The following ADD2 variants were observed in gnomAD, a reference collection of about 807,000 sequenced individuals.
The protein encoded by ADD2 is adducin 2, also known as beta-adducin.
In ADD2, 23 loss-of-function variants were observed where a neutral mutation model predicts 83.0. The observed-to-expected ratio is 0.28, with a 90% CI of 0.20 to 0.39. ADD2 has a LOEUF of 0.39. ADD2 is among the 10% of genes least tolerant of loss of function. The pLI is 1.00. For missense variants in ADD2, 758 were observed against 944.9 expected (o/e 0.80, Z 2.59); for synonymous variants, 375 against 375.4 (o/e 1.00, Z 0.01).
intron 8 of ADD2, 136 bp downstream of exon 8, chr2:70,690,650 G>T: frequency 1.0e-6 from 1 of 1,003,544 alleles, no homozygotes; most frequent in Non-Finnish European, 1.4e-6. Flanking sequence ...AAAATCTCAG[G>T]GTAGTGGGAT....
chr2:70,704,356 C>T lies in ADD2; in HGVS notation c.287G>A (p.Ser96Asn), dbSNP rs1553374012. ...TGTCGGGAAGACTGCGTGGGAGGTGCTGGCCATGAAGTCCGCGATCTGTCG... is the reference window on the plus strand; with the variant it reads ...TGTCGGGAAGACTGCGTGGGAGGTGTTGGCCATGAAGTCCGCGATCTGTCG... ...ALRQIADFMA[S>N]TSHAVFPTSS... is the part of the protein sequence containing the mutation. The change falls in exon 4 of 16, where the codon AGC (serine) becomes AAC (asparagine). Residue 96 changes from serine to asparagine, a missense_variant. By Grantham distance (46) the Ser-to-Asn change is conservative. Transcript: ENST00000264436. The T allele has an allele frequency of 6.9e-7, 1 of 1,449,438 alleles. No homozygotes were observed. The highest frequency in any genetic ancestry group is 1.1e-5 in the South Asian group (1 of 88,796). The allele number at this position is 1,449,438 out of a possible 1,614,324, so 89.8% of individuals were successfully genotyped here. A position where few individuals can be genotyped will look rare whatever the true frequency, so the allele number is the denominator to read the frequency against.
intron 15 of ADD2, among the ~76,000 whole-genome samples, chr2:70,668,459 T>C (rs1669769334): frequency 1.3e-5 from 2 of 152,344 alleles, no homozygotes; most frequent in South Asian, 4.1e-4. Flanking sequence ...GCTCACATAT[T>C]CATTTTACAC....
At chr2:70,733,921 C>A (rs1434777448) in intron 1 of ADD2, among the ~76,000 whole-genome samples, 1 of 152,186 alleles carries the variant, frequency 6.6e-6, no homozygotes, top group African/African-American at 2.4e-5. Context: ...CAAAAGCCCA[C>A]CCCTAGCAGC....
At chr2:70,680,078 T>C (rs1670380695) in intron 10 of ADD2, among the ~76,000 whole-genome samples, 1 of 152,216 alleles carries the variant, frequency 6.6e-6, no homozygotes, top group African/African-American at 2.4e-5. Flanking sequence ...TCATATCTAT[T>C]AATATTTGTC....
intron 1 of ADD2, among the ~76,000 whole-genome samples, chr2:70,762,708 T>C (rs1466058285): frequency 7.1e-6 from 1 of 140,390 alleles, no homozygotes; most frequent in Non-Finnish European, 1.5e-5. Flanking sequence ...TTTCATTTTC[T>C]TTTTTTTTTT....
At chr2:70,699,615 A>G (rs571664578) in intron 4 of ADD2, among the ~76,000 whole-genome samples, 2 of 152,290 alleles carry the variant, frequency 1.3e-5, no homozygotes, top group East Asian at 1.9e-4. Flanking sequence ...ACTCGTCTCT[A>G]TAAAAAATTT....
At chr2:70,758,807 CA>C (rs1207847961) in intron 1 of ADD2, among the ~76,000 whole-genome samples, 1 of 151,944 alleles carries the variant, frequency 6.6e-6, no homozygotes, top group African/African-American at 2.4e-5. Flanking sequence ...CTCAGAAAAA[CA>C]ATAATAATAA....
intron 1 of ADD2, among the ~76,000 whole-genome samples, chr2:70,744,146 A>G (rs1674059864): frequency 6.6e-6 from 1 of 152,226 alleles, no homozygotes. Flanking sequence ...CCATTTGGTA[A>G]CCACCATGGA....
intron 15 of ADD2, among the ~76,000 whole-genome samples, chr2:70,667,647 A>G (rs145500152): frequency 6.6e-6 from 1 of 152,134 alleles, no homozygotes; most frequent in African/African-American, 2.4e-5. Context: ...GGGGGATGGA[A>G]TTTCGCTCTT....
chr2:70,689,405 G>T (rs782408121), intron 8 of ADD2, among the ~76,000 whole-genome samples: 4 of 152,260 alleles, frequency 2.6e-5, no homozygotes, highest in Non-Finnish European at 4.4e-5. Flanking sequence ...GCTGAAGCCT[G>T]ATGGCTCTAA....
chr2:70,678,694 T>A lies in ADD2; in HGVS notation c.1383+10A>T. On this transcript the variant is annotated intron_variant, in intron 11 of 15. Coordinates refer to ENST00000264436, the MANE Select transcript of ADD2 (RefSeq NM_001617.4). Reference sequence around the variant, plus strand: ...CTCTCTGCCCGGGTCTGTCCTGGGCTCCCCCTTACCGTGGTCTTGGGTCGG... The same window carrying A: ...CTCTCTGCCCGGGTCTGTCCTGGGCACCCCCTTACCGTGGTCTTGGGTCGG... 6.5e-7 allele frequency: 1 copy of A among 1,544,120 alleles called. No individual in the cohort carries two copies.
intron 7 of ADD2, 102 bp from the exon 8 acceptor site, chr2:70,691,031 G>C: frequency 7.2e-7 from 1 of 1,389,496 alleles, no homozygotes; most frequent in South Asian, 1.6e-5. Context: ...GGGGTGAGGG[G>C]TGAGGAGTGA....
At chr2:70,704,675 C>T (rs1204802960) in intron 3 of ADD2, among the ~76,000 whole-genome samples, 3 of 152,212 alleles carry the variant, frequency 2.0e-5, no homozygotes, top group Admixed American at 6.5e-5. Flanking sequence ...ATCTTGTGTT[C>T]CCTTGCCCTG....
intron 8 of ADD2, among the ~76,000 whole-genome samples, chr2:70,688,774 G>T (rs1243835211): frequency 6.6e-6 from 1 of 152,042 alleles, no homozygotes; most frequent in Non-Finnish European, 1.5e-5. Flanking sequence ...TAACTCATCG[G>T]TTTTATAGAA....
At chr2:70,704,284 C>CCCCCAAAAAA in intron 4 of ADD2, 37 bp downstream of exon 4, 1 of 1,560,598 alleles carries the variant, frequency 6.4e-7, no homozygotes, top group Non-Finnish European at 8.7e-7. Context: ...CCCTCCCCTC[C>CCCCCAAAAAA]ACCTCTGCTC....
chr2:70,714,665 C>G (rs1672373367), intron 1 of ADD2, among the ~76,000 whole-genome samples: 1 of 152,198 alleles, frequency 6.6e-6, no homozygotes, highest in Non-Finnish European at 1.5e-5. Context: ...AGGGTCCTAG[C>G]CACCACTTGA....
At chr2:70,715,024 T>A (rs1255687424) in intron 1 of ADD2, among the ~76,000 whole-genome samples, 7 of 152,180 alleles carry the variant, frequency 4.6e-5, no homozygotes, top group Admixed American at 4.6e-4. Flanking sequence ...CAGAGCACCA[T>A]TCCTTGGGTT....
intron 1 of ADD2, among the ~76,000 whole-genome samples, chr2:70,722,735 C>A (rs1359367505): frequency 2.0e-5 from 3 of 152,154 alleles, no homozygotes; most frequent in African/African-American, 7.2e-5. Context: ...ACTTCCTGTA[C>A]TGTGAAATAA....
chr2:70,706,333 C>T lies in ADD2; in HGVS notation c.76G>A (p.Glu26Lys), dbSNP rs1256425970. 3.1e-6 allele frequency: 5 copies of T among 1,613,904 alleles called. No individual in the cohort carries two copies. The highest frequency in any genetic ancestry group is 4.2e-6 in the Non-Finnish European group (5 of 1,180,020). The change falls in exon 3 of 16, where the codon GAG becomes AAG. Residue 26 changes from glutamate (E) to lysine (K), a missense_variant. By Grantham distance (56) the Glu-to-Lys change is moderately conservative. Coordinates refer to ENST00000264436, the MANE Select transcript of ADD2 (RefSeq NM_001617.4). The surrounding 1 kb of genome is among the most constrained non-coding windows in gnomAD (Gnocchi z 5.0). ...QGQPYFDRFS[E>K]DDPEYMRLRN... ...AGGCGCATGTACTCGGGGTCGTCCT[C>T]TGAGAAGCGGTCAAAGTAAGGCTGC...
Sources: gnomAD v4.1 joint callset for allele counts (sites outside exome capture counted in the v4.1 genomes callset) on GRCh38, gnomAD v4.1.1 for gene constraint, Gnocchi (gnomAD v3.1) non-coding constraint, MANE v1.5 for transcripts, NCBI Gene and HGNC (gene_info 2026-07-23, HGNC 2026-07-21) for gene names.